LRRK2: variants seen among roughly 807,000 people sequenced by gnomAD.
The protein encoded by LRRK2 is leucine rich repeat kinase 2, also known as leucine-rich repeat serine/threonine-protein kinase 2.
In LRRK2, 203 loss-of-function variants were observed where a neutral mutation model predicts 302.6. The observed-to-expected ratio is 0.67, with a 90% CI of 0.60 to 0.75. LRRK2 has a LOEUF of 0.75. LRRK2 is among the 30% of genes least tolerant of loss of function. The pLI is 0.00. For synonymous variants in LRRK2, 1,066 were observed against 1,031.9 expected, an observed-to-expected ratio of 1.03 and a Z score of -0.63; for missense variants, 2,830 against 2,951.0, an observed-to-expected ratio of 0.96 and a Z score of 0.95.
chr12:40,366,636 A>G (rs1238929047), intron 49 of LRRK2: 1 of 214,416 alleles, frequency 4.7e-6, no homozygotes, highest in African/African-American at 2.4e-5. Context: ...CTAAATACTC[A>G]TATTTGTACT....
At position 40,340,330 on chromosome 12, in the gene LRRK2, G is replaced by T; in HGVS notation, c.5985G>T (p.Leu1995=). The T allele has an allele frequency of 6.2e-7, 1 of 1,613,804 alleles. No individual in the cohort carries two copies. The highest frequency in any genetic ancestry group is 8.5e-7 in the Non-Finnish European group (1 of 1,179,808). The change falls in exon 41 of 51, where the codon CTG becomes CTT. Residue 1995 remains leucine (L), a synonymous_variant. Coordinates refer to ENST00000298910, the MANE Select transcript of LRRK2 (RefSeq NM_198578.4). ...CAGCCATGATTATATACCGAGACCT[G>T]AAACCCCACAATGTGCTGCTTTTCA... ...LHSAMIIYRD[L]KPHNVLLFTL... is the part of the protein sequence containing the mutation.
rs544786129 is a variant in LRRK2 at position 40,349,493 on chromosome 12, A to C, written c.6381+984A>C. Among the ~76,000 whole-genome samples the C allele has an allele frequency of 3.9e-5, 4 of 102,884 alleles. No individual in the cohort carries two copies. The South Asian group carries it at 1.4e-3, about 36-fold the overall frequency. 67.5% of individuals were successfully genotyped at this position (102,884 alleles called of 152,430 possible). A position where few individuals can be genotyped will look rare whatever the true frequency, so the allele number is the denominator to read the frequency against. The stretch of plus-strand genomic sequence containing the variant: ...CTGGAGATGATATCCTTATGATATT[A>C]AGTCTTTGTATTCTTTTTCTTATTT... On this transcript the variant is annotated intron_variant, in intron 43 of 50. Transcript: ENST00000298910.
intron 13 of LRRK2, among the ~76,000 whole-genome samples, chr12:40,260,856 G>A (rs879336777): frequency 3.3e-5 from 5 of 152,012 alleles, no homozygotes; most frequent in Non-Finnish European, 7.4e-5. Context: ...TAAGTATGAG[G>A]GATGATACTT....
chr12:40,343,658 T>G (rs1303327603), intron 41 of LRRK2, among the ~76,000 whole-genome samples: 1 of 152,222 alleles, frequency 6.6e-6, no homozygotes, highest in Non-Finnish European at 1.5e-5. Context: ...TTAAAAATAG[T>G]TTTTAGACAA....
At chr12:40,336,063 C>T (rs1364193737) in intron 40 of LRRK2, among the ~76,000 whole-genome samples, 2 of 152,178 alleles carry the variant, frequency 1.3e-5, no homozygotes, top group African/African-American at 4.8e-5. Context: ...ATTCCTCACC[C>T]AGCCTCTGGA....
chr12:40,304,221 T>C, intron 27 of LRRK2, 87 bp downstream of exon 27: 1 of 1,316,192 alleles, frequency 7.6e-7, no homozygotes. Flanking sequence ...AGCTTCTAAA[T>C]ACCAATTTCA....
intron 40 of LRRK2, among the ~76,000 whole-genome samples, chr12:40,337,412 G>A (rs715402): frequency 0.86 from 130,345 of 152,206 alleles, 55,870 homozygotes; most frequent in Middle Eastern, 0.91. Flanking sequence ...TGCATTTTCT[G>A]TATGTTTCTG....
At position 40,305,827 on chromosome 12, in the gene LRRK2, G is replaced by C; in HGVS notation, c.3820G>C (p.Asp1274His). Reference protein sequence around the residue: ...IGCLENLTSLDVSYNLELRSF... With the variant: ...IGCLENLTSLHVSYNLELRSF... ...CTGTCTTGAAAATCTGACATCTCTGGATGTCAGTTACAACTTGGAACTAAG... is the reference window on the plus strand; with the variant it reads ...CTGTCTTGAAAATCTGACATCTCTGCATGTCAGTTACAACTTGGAACTAAG... The change falls in exon 28 of 51, where the codon GAT becomes CAT. Residue 1274 changes from aspartate (D) to histidine (H), a missense_variant. Physicochemically the swap from Asp to His is moderately conservative, Grantham distance 81 (BLOSUM62 -1). Transcript: ENST00000298910. The C allele has an allele frequency of 6.2e-7, 1 of 1,613,628 alleles. No homozygotes were observed. The highest frequency in any genetic ancestry group is 1.1e-5 in the South Asian group (1 of 91,070).
chr12:40,231,252 T>C (rs928447716), intron 2 of LRRK2, among the ~76,000 whole-genome samples: 5 of 151,994 alleles, frequency 3.3e-5, no homozygotes, highest in Admixed American at 2.0e-4. Flanking sequence ...CAGGTAGATA[T>C]GACTTAAAAC....
intron 39 of LRRK2, among the ~76,000 whole-genome samples, chr12:40,329,741 A>G (rs911733060): frequency 1.9e-4 from 29 of 152,138 alleles, no homozygotes; most frequent in South Asian, 4.1e-4. Flanking sequence ...CCTGATTTAA[A>G]AAAAAATTTG....
Position 40,283,883 on chromosome 12 carries a change from GAA to G in LRRK2, c.2252_2253del (p.Lys751ArgfsTer13). The G allele has an allele frequency of 6.2e-7, 1 of 1,612,402 alleles. No homozygotes were observed. Among genetic ancestry groups the G allele is most frequent in the Non-Finnish European group, 8.5e-7 (1 of 1,178,976 alleles). ...GSSLICQVCE[K>X]ESSPKLVELL... The stretch of plus-strand genomic sequence containing the variant: ...TTTTTTTTCTTTAATAGGTATGTGA[GAA>G]AGAGAGCAGTCCCAAATTGGTGGAA... On this transcript the variant is annotated frameshift_variant, in exon 19 of 51. Transcript: ENST00000298910. LOFTEE classifies it high-confidence loss of function.
chr12:40,309,149 G>A lies in LRRK2; in HGVS notation c.4233G>A (p.Gln1411=), dbSNP rs202113476. ...GTACTCATCCCCATTTTATGACGCA[G>A]CGAGCATTGTACCTTGCTGTCTATG... ...FYSTHPHFMT[Q]RALYLAVYDL... The change falls in exon 30 of 51, where the codon CAG becomes CAA. Residue 1411 remains glutamine, a synonymous_variant. Coordinates refer to ENST00000298910, the MANE Select transcript of LRRK2 (RefSeq NM_198578.4). 2.9e-5 allele frequency: 46 copies of A among 1,613,742 alleles called. 1 individual carries two copies. Among genetic ancestry groups the A allele is most frequent in the African/African-American group, 2.1e-4 (16 of 74,874 alleles).
At chr12:40,243,528 A>G in intron 6 of LRRK2, 22 bp from the exon 7 acceptor site, 1 of 1,609,324 alleles carries the variant, frequency 6.2e-7, no homozygotes, top group Non-Finnish European at 8.5e-7. Context: ...CTTATTGATA[A>G]TTATGATCTC....
chr12:40,338,864 C>G (rs1945951675), intron 40 of LRRK2, among the ~76,000 whole-genome samples: 1 of 152,138 alleles, frequency 6.6e-6, no homozygotes, highest in Non-Finnish European at 1.5e-5. Flanking sequence ...TTCTCTTCAG[C>G]AGGGGAAGAG....
chr12:40,249,391 C>A (rs1942154523), intron 7 of LRRK2, among the ~76,000 whole-genome samples: 1 of 151,072 alleles, frequency 6.6e-6, no homozygotes, highest in Admixed American at 6.6e-5. Context: ...ATTTTCTAAG[C>A]ACTATTCCTT....
At chr12:40,244,250 C>T (rs1168970103) in intron 7 of LRRK2, among the ~76,000 whole-genome samples, 1 of 152,014 alleles carries the variant, frequency 6.6e-6, no homozygotes, top group Non-Finnish European at 1.5e-5. Context: ...TTAATGTTTG[C>T]CTGCTTTTGC....
intron 14 of LRRK2, among the ~76,000 whole-genome samples, chr12:40,269,219 G>A (rs895829439): frequency 6.6e-6 from 1 of 152,180 alleles, no homozygotes; most frequent in African/African-American, 2.4e-5. Context: ...AATGTTCACT[G>A]TGGCATGATT....
chr12:40,321,202 G>C lies in LRRK2; in HGVS notation c.5170+14G>C, dbSNP rs1471302715. ...TTTCAGGGAGAGGTAAGTATCTAAT[G>C]AAGACTTATTAGATTTTTAGAGACT... On this transcript the variant is annotated intron_variant, in intron 35 of 50. Coordinates refer to ENST00000298910, the MANE Select transcript of LRRK2 (RefSeq NM_198578.4). The C allele has an allele frequency of 6.2e-7, 1 of 1,604,420 alleles. No individual in the cohort carries two copies. The highest frequency in any genetic ancestry group is 1.1e-5 in the South Asian group (1 of 90,738).
intron 18 of LRRK2, among the ~76,000 whole-genome samples, chr12:40,280,972 G>A (rs1274994509): frequency 2.0e-5 from 3 of 151,756 alleles, no homozygotes; most frequent in African/African-American, 4.8e-5. Flanking sequence ...GGAGGCTGAG[G>A]CAGGAGAATG....
Sources: gnomAD v4.1 joint callset for allele counts (sites outside exome capture counted in the v4.1 genomes callset) on GRCh38, gnomAD v4.1.1 for gene constraint, MANE v1.5 for transcripts, NCBI Gene and HGNC (gene_info 2026-07-23, HGNC 2026-07-21) for gene names.